Variants in SRFBP1 observed in about 807,000 individuals in gnomAD.
SRFBP1 encodes serum response factor-binding protein 1.
Under a neutral mutation model 45.5 loss-of-function variants are expected in SRFBP1, and 47 were observed. The observed-to-expected ratio is 1.03, with a 90% CI of 0.82 to 1.32. SRFBP1 has a LOEUF of 1.32. Ranked by LOEUF, SRFBP1 falls within the 40% of genes most tolerant of loss-of-function variation. The probability of loss-of-function intolerance (pLI) is 0.00; values close to 1 mark genes in which losing one functional copy is unlikely to be tolerated. For missense variants in SRFBP1, 621 were observed against 484.6 expected (o/e 1.28, Z -2.64); for synonymous variants, 203 against 166.3 (o/e 1.22, Z -1.70).
intron 4 of SRFBP1, among the ~76,000 whole-genome samples, chr5:122,012,315 A>T (rs1412183565): frequency 6.6e-6 from 1 of 152,112 alleles, no homozygotes; most frequent in Non-Finnish European, 1.5e-5. Context: ...AAAAATATTA[A>T]ATTTGACTTT....
chr5:122,016,171 A>G (rs1200987402), intron 4 of SRFBP1, among the ~76,000 whole-genome samples: 1 of 152,220 alleles, frequency 6.6e-6, no homozygotes, highest in Non-Finnish European at 1.5e-5. Context: ...GATATTCAGC[A>G]CACCAAGTAT....
Position 122,027,140 on chromosome 5 carries a change from C to T in SRFBP1, c.*14C>T, listed in dbSNP as rs1753499207. ...TTTGATGATTGATTAGTGCCTCTTTCTGCAAACTTTTCCATCTAAAAAAAA... is the reference window on the plus strand; with the variant it reads ...TTTGATGATTGATTAGTGCCTCTTTTTGCAAACTTTTCCATCTAAAAAAAA... On this transcript the variant is annotated 3_prime_UTR_variant, in exon 8 of 8. Coordinates refer to ENST00000339397, the MANE Select transcript of SRFBP1 (RefSeq NM_152546.3). The T allele has an allele frequency of 6.3e-7, 1 of 1,578,914 alleles. No homozygotes were observed. The highest frequency in any genetic ancestry group is 8.6e-7 in the Non-Finnish European group (1 of 1,165,248).
In SRFBP1 at chr5:121,962,088, T is replaced by C; in HGVS notation, c.36+20T>C. On this transcript the variant is annotated intron_variant, in intron 1 of 7. Coordinates refer to ENST00000339397, the MANE Select transcript of SRFBP1 (RefSeq NM_152546.3). ...AACGAGGTGAGCGCCGAGGAACCTA[T>C]GGGGCTGACTTTAAGGGTCCTCAAA... 1 of 1,613,928 alleles carries C rather than the reference T, an allele frequency of 6.2e-7. No homozygotes were observed. Among genetic ancestry groups the C allele is most frequent in the South Asian group, 1.1e-5 (1 of 91,086 alleles).
chr5:122,061,113 ATCAC>A (rs754232247), intron 2 of SRFBP1, among the ~76,000 whole-genome samples: 21 of 152,010 alleles, frequency 1.4e-4, no homozygotes, highest in Non-Finnish European at 2.5e-4. Flanking sequence ...CAGTTTGCAG[ATCAC>A]TAGCTGGTAG....
chr5:121,978,064 A>C (rs1259297160), intron 3 of SRFBP1, among the ~76,000 whole-genome samples: 2 of 152,164 alleles, frequency 1.3e-5, no homozygotes, highest in South Asian at 2.1e-4. Flanking sequence ...GAGATGGTAA[A>C]ATTCAAGCAT....
At chr5:122,007,048 T>C (rs974011452) in intron 4 of SRFBP1, among the ~76,000 whole-genome samples, 1 of 152,094 alleles carries the variant, frequency 6.6e-6, no homozygotes, top group African/African-American at 2.4e-5. Context: ...ATACTTGCTT[T>C]GTCTGGGAGA....
chr5:121,992,262 C>T (rs768835752), intron 3 of SRFBP1, among the ~76,000 whole-genome samples: 11 of 152,126 alleles, frequency 7.2e-5, no homozygotes, highest in Non-Finnish European at 1.3e-4. Context: ...TGTAGGCCAA[C>T]TGCATTCCTT....
chr5:122,032,753 T>C (rs567143714), downstream of SRFBP1, among the ~76,000 whole-genome samples: 13 of 152,322 alleles, frequency 8.5e-5, no homozygotes, highest in Non-Finnish European at 1.5e-4. Flanking sequence ...AAAAACAGTA[T>C]GTATTTCATG....
At chr5:122,012,822 G>A (rs1753121827) in intron 4 of SRFBP1, among the ~76,000 whole-genome samples, 1 of 152,026 alleles carries the variant, frequency 6.6e-6, no homozygotes, top group African/African-American at 2.4e-5. Context: ...CATAACTTGT[G>A]CCTTTTTCTT....
intron 2 of SRFBP1, among the ~76,000 whole-genome samples, chr5:122,054,786 T>C (rs978855040): frequency 2.0e-5 from 3 of 152,204 alleles, no homozygotes; most frequent in African/African-American, 7.2e-5. Flanking sequence ...GGCAAATGGA[T>C]ATATTTATTT....
intron 2 of SRFBP1, among the ~76,000 whole-genome samples, chr5:122,041,303 T>C (rs1451850433): frequency 6.6e-6 from 1 of 152,142 alleles, no homozygotes; most frequent in Non-Finnish European, 1.5e-5. Flanking sequence ...ACAGTATGAT[T>C]ACTGGGCAGC....
intron 3 of SRFBP1, among the ~76,000 whole-genome samples, chr5:121,985,849 G>C (rs1026792640): frequency 6.6e-6 from 1 of 151,798 alleles, no homozygotes; most frequent in Non-Finnish European, 1.5e-5. Context: ...ATAAATTTAA[G>C]TTATTGTTTA....
intron 2 of SRFBP1, among the ~76,000 whole-genome samples, chr5:122,072,401 G>A (rs936550581): frequency 4.6e-5 from 7 of 152,158 alleles, no homozygotes; most frequent in Non-Finnish European, 1.0e-4. Flanking sequence ...AGCAATTTGA[G>A]TTTTAGCAAT....
rs753011232 is a variant in SRFBP1 at position 122,027,142 on chromosome 5, G to A, written c.*16G>A. ...TGATGATTGATTAGTGCCTCTTTCTGCAAACTTTTCCATCTAAAAAAAAAA... is the reference window on the plus strand; with the variant it reads ...TGATGATTGATTAGTGCCTCTTTCTACAAACTTTTCCATCTAAAAAAAAAA... On this transcript the variant is annotated 3_prime_UTR_variant, in exon 8 of 8. Coordinates refer to ENST00000339397, the MANE Select transcript of SRFBP1 (RefSeq NM_152546.3). 17 of 1,571,968 alleles carry A rather than the reference G, an allele frequency of 1.1e-5. 1 individual carries two copies. The South Asian group carries it at 1.9e-4, about 18-fold the overall frequency.
chr5:122,003,218 A>G (rs1368664000), intron 4 of SRFBP1, among the ~76,000 whole-genome samples: 2 of 152,006 alleles, frequency 1.3e-5, no homozygotes, highest in African/African-American at 4.8e-5. Flanking sequence ...GGTGACACAC[A>G]GCTGTAGTCT....
intron 4 of SRFBP1, among the ~76,000 whole-genome samples, chr5:121,999,418 C>T (rs1410220017): frequency 6.6e-6 from 1 of 151,992 alleles, no homozygotes; most frequent in East Asian, 1.9e-4. Flanking sequence ...TTCATGTGCA[C>T]TTGAAGACAA....
chr5:122,036,058 C>T (rs1277983403), intron 2 of SRFBP1, among the ~76,000 whole-genome samples: 1 of 152,226 alleles, frequency 6.6e-6, no homozygotes, highest in Non-Finnish European at 1.5e-5. Flanking sequence ...AAGGGGTTAA[C>T]TCAGCTGGCC....
intron 2 of SRFBP1, among the ~76,000 whole-genome samples, chr5:122,052,075 A>G (rs900889252): frequency 6.6e-6 from 1 of 152,164 alleles, no homozygotes; most frequent in Non-Finnish European, 1.5e-5. Flanking sequence ...GAATTAGACT[A>G]CCAGTCTCTT....
chr5:122,054,671 A>T (rs927575653), intron 2 of SRFBP1, among the ~76,000 whole-genome samples: 1 of 152,310 alleles, frequency 6.6e-6, no homozygotes, highest in African/African-American at 2.4e-5. Context: ...AGTAATGATT[A>T]AATTAATATA....
Sources: allele counts gnomAD v4.1 joint callset (sites outside exome capture counted in the v4.1 genomes callset), GRCh38; gene constraint gnomAD v4.1.1; transcripts MANE v1.5; gene names NCBI Gene and HGNC (gene_info 2026-07-23, HGNC 2026-07-21).